The following MERTK variants were observed in gnomAD, a reference collection of about 807,000 sequenced individuals.
MERTK encodes MER proto-oncogene, tyrosine kinase.
A neutral mutation model predicts 99.3 loss-of-function variants in MERTK; 69 were observed. That is an observed-to-expected ratio of 0.70 (90% CI 0.57 to 0.85). The LOEUF is 0.85. Ranked by LOEUF, MERTK falls within the 40% of genes least tolerant of loss-of-function variation. The probability of loss-of-function intolerance (pLI) is 0.00; values close to 1 mark genes in which losing one functional copy is unlikely to be tolerated. For missense variants in MERTK, 1,125 were observed against 1,249.4 expected (o/e 0.90, Z 1.50); for synonymous variants, 426 against 467.6 (o/e 0.91, Z 1.15).
At chr2:111,948,829 A>G (rs982548395) in intron 4 of MERTK, among the ~76,000 whole-genome samples, 2 of 151,910 alleles carry the variant, frequency 1.3e-5, no homozygotes, top group African/African-American at 4.8e-5. Context: ...GTGGCAGATG[A>G]CATCACCTGC....
chr2:112,002,068 T>C (rs1260838258), intron 11 of MERTK, among the ~76,000 whole-genome samples: 2 of 152,096 alleles, frequency 1.3e-5, no homozygotes, highest in African/African-American at 4.8e-5. Context: ...GTGTCCTAAT[T>C]ATCCACATTT....
intron 13 of MERTK, among the ~76,000 whole-genome samples, chr2:112,004,918 T>G (rs1676949957): frequency 6.6e-6 from 1 of 151,970 alleles, no homozygotes; most frequent in African/African-American, 2.4e-5. Context: ...AAAAAGAGTC[T>G]TAGCCAAATG....
chr2:111,939,628 G>A (rs1309579768), intron 2 of MERTK, among the ~76,000 whole-genome samples: 2 of 143,956 alleles, frequency 1.4e-5, no homozygotes, highest in African/African-American at 5.2e-5. Flanking sequence ...CTACAGGCAT[G>A]TGCCACCATG....
At chr2:111,997,527 A>T (rs779832705) in intron 10 of MERTK, 51 bp downstream of exon 10, 226 of 1,596,216 alleles carry the variant, frequency 1.4e-4, no homozygotes, top group Non-Finnish European at 1.9e-4. Context: ...CAAGGTTGTT[A>T]TACCAAGTGA....
At chr2:111,956,817 T>G (rs149509476) in intron 4 of MERTK, among the ~76,000 whole-genome samples, 31 of 152,146 alleles carry the variant, frequency 2.0e-4, no homozygotes, top group African/African-American at 7.2e-4. Flanking sequence ...ATAAGAAGCT[T>G]TTTTCAAATT....
chr2:111,907,160 A>G (rs1289201243), intron 1 of MERTK, among the ~76,000 whole-genome samples: 2 of 152,160 alleles, frequency 1.3e-5, no homozygotes, highest in African/African-American at 2.4e-5. Context: ...CACGCCTGTA[A>G]TCCCAGCACT....
chr2:112,028,642 A>G lies in MERTK; in HGVS notation c.2778A>G (p.Glu926=). ...AAGTTCATGACAGCAAACCTCATGA[A>G]GGACGGTACATCCTGAATGGGGGCA... ...TAEVHDSKPH[E]GRYILNGGSE... Residue 926 remains glutamate (E), a synonymous_variant, in exon 19 of 19, where the codon GAA becomes GAG. Transcript: ENST00000295408. The G allele has an allele frequency of 2.5e-6, 4 of 1,614,212 alleles. No individual in the cohort carries two copies. The highest frequency in any genetic ancestry group is 3.4e-6 in the Non-Finnish European group (4 of 1,180,040).
chr2:111,921,513 A>AG (rs1684459417), intron 1 of MERTK, among the ~76,000 whole-genome samples: 1 of 152,108 alleles, frequency 6.6e-6, no homozygotes, highest in South Asian at 2.1e-4. Context: ...AAAAAAAAAA[A>AG]AAAAGCCTTT....
At position 112,008,380 on chromosome 2, in the gene MERTK, T is replaced by C; in HGVS notation, c.1868-3T>C. Reference sequence around the variant, plus strand: ...ACTTAACCTTTTCTATTTTCTCCTCTAGTGGACAACTCTTCACAGCGGGAG... The same window carrying C: ...ACTTAACCTTTTCTATTTTCTCCTCCAGTGGACAACTCTTCACAGCGGGAG... On this transcript the variant is annotated splice_polypyrimidine_tract_variant and splice_region_variant and intron_variant, in intron 13 of 18. Transcript: ENST00000295408. 1 of 1,610,834 alleles carries C rather than the reference T, an allele frequency of 6.2e-7. No individual in the cohort carries two copies. Among genetic ancestry groups the C allele is most frequent in the Non-Finnish European group, 8.5e-7 (1 of 1,177,030 alleles).
chr2:111,958,529 C>T (rs1418393123), intron 4 of MERTK, among the ~76,000 whole-genome samples: 1 of 152,192 alleles, frequency 6.6e-6, no homozygotes, highest in East Asian at 1.9e-4. Context: ...CTTCTCTCTA[C>T]TGGTATCTCT....
intron 2 of MERTK, among the ~76,000 whole-genome samples, chr2:111,937,395 T>C (rs1221857340): frequency 6.6e-6 from 1 of 152,018 alleles, no homozygotes; most frequent in Admixed American, 6.5e-5. Context: ...GAAGCTGCAG[T>C]GAGCCATGAT....
intron 1 of MERTK, among the ~76,000 whole-genome samples, chr2:111,905,383 A>G (rs1684118225): frequency 6.6e-6 from 1 of 151,394 alleles, no homozygotes; most frequent in Non-Finnish European, 1.5e-5. Flanking sequence ...AGTGATAAAG[A>G]AGAAAGGGTG....
chr2:111,933,734 A>T (rs1454482132), intron 2 of MERTK, among the ~76,000 whole-genome samples: 2 of 152,002 alleles, frequency 1.3e-5, no homozygotes, highest in African/African-American at 4.8e-5. Context: ...CTTTCTTTTC[A>T]TTATACTTTA....
chr2:111,940,805 C>T, intron 2 of MERTK: 1 of 1,034,936 alleles, frequency 9.7e-7, no homozygotes, highest in Admixed American at 1.7e-5. Flanking sequence ...TCAATAGCTT[C>T]TTGTCGATCT....
At chr2:111,962,407 C>A (rs541695320) in intron 4 of MERTK, among the ~76,000 whole-genome samples, 3 of 151,966 alleles carry the variant, frequency 2.0e-5, no homozygotes, top group African/African-American at 7.2e-5. Context: ...CTTGGAAGGC[C>A]GAGGCAGGAG....
In MERTK at chr2:112,011,282, G is replaced by A. The variant is rs146031866; in HGVS notation, c.2079+1216G>A. Among the ~76,000 whole-genome samples the A allele has an allele frequency of 1.2e-4, 18 of 152,264 alleles. No homozygotes were observed. The East Asian group carries it at 3.5e-3, about 29-fold the overall frequency. ...GGGACCATGAAAACTCACTCCCACTGGCTCTGCAGACAAAACACAGGGGAA... is the reference window on the plus strand; with the variant it reads ...GGGACCATGAAAACTCACTCCCACTAGCTCTGCAGACAAAACACAGGGGAA... On this transcript the variant is annotated intron_variant, in intron 15 of 18. Transcript: ENST00000295408.
At chr2:112,011,186 A>G (rs189751399) in intron 15 of MERTK, among the ~76,000 whole-genome samples, 137 of 152,328 alleles carry the variant, frequency 9.0e-4, no homozygotes, top group South Asian at 3.7e-3. Context: ...GCTCCAGGAA[A>G]GAATTCTTGC....
rs146917158 is a variant in MERTK at position 111,928,312 on chromosome 2, A to T, written c.62-808A>T. Among the ~76,000 whole-genome samples, 3 of 131,300 alleles carry T rather than the reference A, an allele frequency of 2.3e-5. No individual in the cohort carries two copies. In the Admixed American group the frequency reaches 2.8e-4, roughly 12 times the overall value. 86.1% of individuals were successfully genotyped at this position (131,300 alleles called of 152,430 possible). ...ACAATCTTGGCTCACCACAGCCTTGATCTCCTGGGCTCAAGCGATCCTCCT... is the reference window on the plus strand; with the variant it reads ...ACAATCTTGGCTCACCACAGCCTTGTTCTCCTGGGCTCAAGCGATCCTCCT... On this transcript the variant is annotated intron_variant, in intron 1 of 18. Transcript: ENST00000295408.
intron 15 of MERTK, chr2:112,010,281 G>T: frequency 4.0e-6 from 2 of 502,752 alleles, no homozygotes; most frequent in South Asian, 3.7e-5. Context: ...TGGGTAAGTG[G>T]CTGCGTGCAC....
Sources: gnomAD v4.1 joint callset for allele counts (sites outside exome capture counted in the v4.1 genomes callset) on GRCh38, gnomAD v4.1.1 for gene constraint, MANE v1.5 for transcripts, NCBI Gene and HGNC (gene_info 2026-07-23, HGNC 2026-07-21) for gene names.